Variants in FRAS1 observed in about 807,000 individuals in gnomAD.
FRAS1 encodes the protein Fraser extracellular matrix complex subunit 1.
FRAS1 carries 290 observed loss-of-function variants against 435.2 expected under a neutral mutation model. The ratio of observed to expected loss-of-function variants is 0.67; its 90% CI spans 0.61 to 0.73. The LOEUF (loss-of-function observed/expected upper bound fraction) is 0.73. FRAS1 is among the 30% of genes least tolerant of loss of function. FRAS1 has a pLI of 0.00. For synonymous variants in FRAS1, 1,800 were observed against 1,851.0 expected, an observed-to-expected ratio of 0.97 and a Z score of 0.71; for missense variants, 4,860 against 5,001.5, an observed-to-expected ratio of 0.97 and a Z score of 0.85.
chr4:78,328,954 G>A (rs546851076), intron 18 of FRAS1, among the ~76,000 whole-genome samples: 178 of 152,208 alleles, frequency 1.2e-3, no homozygotes, highest in Middle Eastern at 6.8e-3. Flanking sequence ...ACCAGGCCTC[G>A]TATGATACTC....
rs751704490 is a variant in FRAS1, at chr4:78,229,306, G to GT, written c.109-8188dup. Among the ~76,000 whole-genome samples, 946 of 133,562 alleles carry GT rather than the reference G, an allele frequency of 7.1e-3. 18 individuals are homozygous for GT. Among genetic ancestry groups the GT allele is most frequent in the South Asian group, 0.039 (164 of 4,162 alleles). 87.6% of individuals were successfully genotyped at this position (133,562 alleles called of 152,430 possible). On this transcript the variant is annotated intron_variant, in intron 2 of 73. Coordinates refer to ENST00000512123, the MANE Select transcript of FRAS1 (RefSeq NM_025074.7). Reference sequence around the variant, plus strand: ...ACCCAGAGGTGCCCTCTTTGTCCTTGTTTTTTTTTTTTTTTTCTTTGTAAA... The same window carrying GT: ...ACCCAGAGGTGCCCTCTTTGTCCTTGTTTTTTTTTTTTTTTTTCTTTGTAAA...
intron 14 of FRAS1, among the ~76,000 whole-genome samples, chr4:78,292,747 G>A (rs1298743191): frequency 6.6e-6 from 1 of 152,126 alleles, no homozygotes; most frequent in African/African-American, 2.4e-5. Flanking sequence ...GGCCAAGCTG[G>A]TGTCACCTCC....
chr4:78,423,404 A>G (rs1159799271), intron 34 of FRAS1, among the ~76,000 whole-genome samples: 2 of 151,558 alleles, frequency 1.3e-5, no homozygotes, highest in African/African-American at 4.9e-5. Context: ...TGACCTCGTG[A>G]TCCACCTGCC....
intron 2 of FRAS1, among the ~76,000 whole-genome samples, chr4:78,215,183 T>TTTATTATTATTA (rs147112471): frequency 6.7e-6 from 1 of 148,900 alleles, no homozygotes; most frequent in African/African-American, 2.5e-5. Flanking sequence ...ATTTACCATC[T>TTTATTATTATTA]TTATTATTAT....
chr4:78,444,233 A>T (rs1274535362), intron 41 of FRAS1: 1 of 449,556 alleles, frequency 2.2e-6, no homozygotes, highest in Non-Finnish European at 4.4e-6. Context: ...AAAAAAGTAA[A>T]AATTGGAAGG....
intron 2 of FRAS1, among the ~76,000 whole-genome samples, chr4:78,148,788 T>A (rs1720518627): frequency 1.3e-5 from 2 of 152,206 alleles, no homozygotes; most frequent in Non-Finnish European, 2.9e-5. Flanking sequence ...ATCCTGCTTT[T>A]CTCAGTAGCG....
intron 68 of FRAS1, among the ~76,000 whole-genome samples, chr4:78,522,128 G>A (rs562514211): frequency 2.0e-5 from 3 of 151,922 alleles, no homozygotes; most frequent in African/African-American, 7.2e-5. Flanking sequence ...TATTCACAAC[G>A]CTATTTCAGT....
At chr4:78,058,366 TG>T (rs1739578320) in intron 1 of FRAS1, among the ~76,000 whole-genome samples, 2 of 152,182 alleles carry the variant, frequency 1.3e-5, no homozygotes, top group Non-Finnish European at 1.5e-5. Flanking sequence ...GTGACATCTC[TG>T]AAACTGATCC....
intron 2 of FRAS1, among the ~76,000 whole-genome samples, chr4:78,206,597 G>A (rs757270745): frequency 7.2e-5 from 11 of 152,048 alleles, no homozygotes; most frequent in Non-Finnish European, 1.3e-4. Context: ...ATTAGTTCAC[G>A]TAATATTTGT....
At chr4:78,375,589 A>G in intron 25 of FRAS1, 150 bp from the exon 26 acceptor site, 1 of 631,488 alleles carries the variant, frequency 1.6e-6, no homozygotes, top group Non-Finnish European at 2.7e-6. Context: ...CTCCCTATAT[A>G]TTCTGTAGGG....
At chr4:78,168,537 C>A (rs896841958) in intron 2 of FRAS1, among the ~76,000 whole-genome samples, 1 of 151,766 alleles carries the variant, frequency 6.6e-6, no homozygotes, top group Non-Finnish European at 1.5e-5. Flanking sequence ...TAGGCACAGT[C>A]AGAATGTGGG....
chr4:78,103,639 G>A (rs892388809), intron 2 of FRAS1, among the ~76,000 whole-genome samples: 2 of 152,158 alleles, frequency 1.3e-5, no homozygotes, highest in African/African-American at 4.8e-5. Context: ...GACGAGGGAA[G>A]AGCCCTCATG....
chr4:78,153,200 C>A (rs545870750), intron 2 of FRAS1, among the ~76,000 whole-genome samples: 2 of 152,186 alleles, frequency 1.3e-5, no homozygotes, highest in East Asian at 1.9e-4. Flanking sequence ...AGCCTTCATT[C>A]CCCCCACCCC....
At chr4:78,501,714 C>T (rs771887580) in intron 61 of FRAS1, among the ~76,000 whole-genome samples, 1 of 151,976 alleles carries the variant, frequency 6.6e-6, no homozygotes, top group South Asian at 2.1e-4. Context: ...CTCTGATGAC[C>T]GATGGAATTA....
intron 4 of FRAS1, among the ~76,000 whole-genome samples, chr4:78,246,169 A>G (rs975378167): frequency 1.3e-5 from 2 of 152,240 alleles, no homozygotes; most frequent in African/African-American, 4.8e-5. Context: ...ATTGATATGT[A>G]AATGTTACCT....
At chr4:78,180,912 G>C in intron 2 of FRAS1, 1 of 1,605,350 alleles carries the variant, frequency 6.2e-7, no homozygotes, top group East Asian at 2.2e-5. Context: ...ATCAGGAGCA[G>C]AAGTACTTGA....
At chr4:78,083,351 C>A (rs955147608) in intron 2 of FRAS1, among the ~76,000 whole-genome samples, 2 of 152,106 alleles carry the variant, frequency 1.3e-5, no homozygotes, top group African/African-American at 2.4e-5. Flanking sequence ...AAAAACAGAT[C>A]TGGGAAAGAG....
At chr4:78,487,417 A>G (rs1720204157) in intron 58 of FRAS1, among the ~76,000 whole-genome samples, 2 of 152,114 alleles carry the variant, frequency 1.3e-5, no homozygotes, top group Admixed American at 6.5e-5. Flanking sequence ...ACGTCCCCCA[A>G]TCCCCAAACA....
chr4:78,459,556 C>T (rs1289961279), intron 47 of FRAS1, among the ~76,000 whole-genome samples: 1 of 152,232 alleles, frequency 6.6e-6, no homozygotes, highest in Non-Finnish European at 1.5e-5. Context: ...CTCTTTATTT[C>T]AACCTCTTTC....
Sources: gnomAD v4.1 joint callset for allele counts (sites outside exome capture counted in the v4.1 genomes callset) on GRCh38, gnomAD v4.1.1 for gene constraint, MANE v1.5 for transcripts, NCBI Gene and HGNC (gene_info 2026-07-23, HGNC 2026-07-21) for gene names.